LEKR1: variants seen among roughly 807,000 people sequenced by gnomAD.
The protein encoded by LEKR1 is protein LEKR1.
Under a neutral mutation model 72.4 loss-of-function variants are expected in LEKR1, and 59 were observed. The ratio of observed to expected loss-of-function variants is 0.82; its 90% CI spans 0.66 to 1.01. The LOEUF is 1.01. LEKR1 is among the 50% of genes least tolerant of loss of function. The pLI, the probability that LEKR1 is intolerant of heterozygous loss-of-function variation, is 0.00. For missense variants in LEKR1, 728 were observed against 759.2 expected, an observed-to-expected ratio of 0.96 and a Z score of 0.48; for synonymous variants, 257 against 263.2, an observed-to-expected ratio of 0.98 and a Z score of 0.23.
Position 156,935,042 on chromosome 3 carries a change from A to G in LEKR1, c.559+7438A>G, listed in dbSNP as rs6774306. Among the ~76,000 whole-genome samples, 753 of 152,232 alleles carry G rather than the reference A, an allele frequency of 4.9e-3. 7 individuals carry two copies. Among genetic ancestry groups the G allele is most frequent in the African/African-American group, 0.018 (728 of 41,544 alleles). Reference sequence around the variant, plus strand: ...TTTCTTTAACATAGTTAATTCCTAGAAGTGGAATTGCAGAATCAAAGTATA... The same window carrying G: ...TTTCTTTAACATAGTTAATTCCTAGGAGTGGAATTGCAGAATCAAAGTATA... On this transcript the variant is annotated intron_variant, in intron 5 of 12. Coordinates refer to ENST00000356539, the MANE Select transcript of LEKR1 (RefSeq NM_001004316.3).
chr3:156,991,994 C>T lies in LEKR1; in HGVS notation c.828-659C>T, dbSNP rs116927464. Among the ~76,000 whole-genome samples, 39 of 152,274 alleles carry T rather than the reference C, an allele frequency of 2.6e-4. No homozygotes were observed. In the South Asian group the frequency reaches 5.4e-3, roughly 21 times the overall value. ...AGAGTGGTGAAGTGGTGTTGCTTCA[C>T]CTCAAATGGCAATCTCTGTCCAGGA... On this transcript the variant is annotated intron_variant, in intron 7 of 12. Transcript: ENST00000356539.
chr3:157,014,949 G>A (rs1037101816), intron 10 of LEKR1, among the ~76,000 whole-genome samples: 8 of 152,184 alleles, frequency 5.3e-5, no homozygotes, highest in Non-Finnish European at 1.0e-4. Flanking sequence ...ATTTGGCCAA[G>A]ATGGAGTAAT....
At chr3:156,869,491 A>G (rs1034431178) in intron 3 of LEKR1, among the ~76,000 whole-genome samples, 16 of 151,888 alleles carry the variant, frequency 1.1e-4, no homozygotes, top group Admixed American at 6.6e-5. Context: ...ATCTATTTGT[A>G]TGTCTTCCTT....
chr3:157,017,948 C>CAAAA (rs58950224), intron 10 of LEKR1, among the ~76,000 whole-genome samples: 474 of 81,954 alleles, frequency 5.8e-3, no homozygotes, highest in African/African-American at 9.9e-3. Flanking sequence ...GACTCTGTCT[C>CAAAA]AAAAAAAAAA....
At chr3:156,881,930 A>G in intron 3 of LEKR1, among the ~76,000 whole-genome samples, 1 of 148,688 alleles carries the variant, frequency 6.7e-6, no homozygotes, top group African/African-American at 2.5e-5. Flanking sequence ...AATGGTGCTG[A>G]GAAAACTGGC....
chr3:156,827,436 T>G (rs772202817), intron 1 of LEKR1, among the ~76,000 whole-genome samples: 2 of 152,190 alleles, frequency 1.3e-5, no homozygotes, highest in Non-Finnish European at 1.5e-5. Flanking sequence ...GTTACCCCAA[T>G]TACCAGATGA....
chr3:157,045,634 A>ATAAC lies in LEKR1; in HGVS notation c.1963_1964insTAAC (p.Arg655IlefsTer23). ...AACCTCAGATAAGCCGAAGAGGGTT[A>ATAAC]GATCAGGCGTGCCCATTCTCCCCCA... is the stretch of plus-strand genomic sequence containing the variant. On this transcript the variant is annotated frameshift_variant, in exon 13 of 13. Transcript: ENST00000356539. LOFTEE classifies it low-confidence loss of function (END_TRUNC). The ATAAC allele has an allele frequency of 6.2e-7, 1 of 1,614,192 alleles. No homozygotes were observed.
At chr3:156,924,753 C>A (rs1724545368) in intron 4 of LEKR1, 1 of 388,314 alleles carries the variant, frequency 2.6e-6, no homozygotes, top group African/African-American at 2.1e-5. Flanking sequence ...AAAATAAATT[C>A]ACCATAAATG....
At chr3:156,980,148 TTA>T (rs760253774) in intron 7 of LEKR1, 16 of 152,318 alleles carry the variant, frequency 1.1e-4, no homozygotes, top group Non-Finnish European at 2.2e-4. Flanking sequence ...TTCTTTTACT[TTA>T]TGATATATAT....
intron 10 of LEKR1, among the ~76,000 whole-genome samples, chr3:157,016,063 C>A (rs1007299988): frequency 6.6e-6 from 1 of 151,774 alleles, no homozygotes; most frequent in Non-Finnish European, 1.5e-5. Context: ...ACAAAAAAAA[C>A]CTCAGAAAGA....
chr3:156,913,125 T>C (rs1723275417), intron 3 of LEKR1, among the ~76,000 whole-genome samples: 1 of 152,214 alleles, frequency 6.6e-6, no homozygotes, highest in Non-Finnish European at 1.5e-5. Flanking sequence ...TAGTTTGCCG[T>C]CTTGGAAAAT....
intron 3 of LEKR1, among the ~76,000 whole-genome samples, chr3:156,897,624 G>C (rs1486614883): frequency 1.3e-5 from 2 of 152,180 alleles, no homozygotes; most frequent in African/African-American, 4.8e-5. Flanking sequence ...ACCTGGGATT[G>C]TTAGAAAGGA....
At chr3:156,848,785 A>G (rs1042393411) in intron 2 of LEKR1, among the ~76,000 whole-genome samples, 11 of 152,216 alleles carry the variant, frequency 7.2e-5, no homozygotes, top group Non-Finnish European at 8.8e-5. Flanking sequence ...ATAAGGATCA[A>G]CTTTGCAAAA....
chr3:156,886,638 T>C (rs1364877108), intron 3 of LEKR1, among the ~76,000 whole-genome samples: 1 of 152,154 alleles, frequency 6.6e-6, no homozygotes, highest in Non-Finnish European at 1.5e-5. Context: ...CCACTGCTAC[T>C]TCTACTTTTT....
chr3:156,928,129 G>T (rs907028221), intron 5 of LEKR1, among the ~76,000 whole-genome samples: 6 of 152,012 alleles, frequency 3.9e-5, no homozygotes, highest in African/African-American at 1.4e-4. Flanking sequence ...ATCAGTGGTT[G>T]CCATGAGTTC....
At chr3:156,935,281 C>A (rs1725589479) in intron 5 of LEKR1, among the ~76,000 whole-genome samples, 1 of 152,170 alleles carries the variant, frequency 6.6e-6, no homozygotes, top group South Asian at 2.1e-4. Flanking sequence ...ATATTCAATT[C>A]CCAAGCAAGA....
At chr3:157,042,012 A>G (rs1352066685) in intron 12 of LEKR1, among the ~76,000 whole-genome samples, 3 of 152,178 alleles carry the variant, frequency 2.0e-5, no homozygotes, top group Non-Finnish European at 4.4e-5. Context: ...GCAATCCCCT[A>G]TATTTCCATT....
chr3:156,839,251 T>G (rs1713570204), intron 2 of LEKR1, among the ~76,000 whole-genome samples: 1 of 152,202 alleles, frequency 6.6e-6, no homozygotes, highest in Non-Finnish European at 1.5e-5. Flanking sequence ...GGAGATTGCT[T>G]TTTCTAGACT....
chr3:156,894,647 A>G (rs557488756), intron 3 of LEKR1, among the ~76,000 whole-genome samples: 6 of 152,354 alleles, frequency 3.9e-5, no homozygotes, highest in African/African-American at 7.2e-5. Context: ...AAACTATACT[A>G]CAAGGCTACA....
Sources: gnomAD v4.1 joint callset for allele counts (sites outside exome capture counted in the v4.1 genomes callset) on GRCh38, gnomAD v4.1.1 for gene constraint, MANE v1.5 for transcripts, NCBI Gene and HGNC (gene_info 2026-07-23, HGNC 2026-07-21) for gene names.